CFAP47: variants seen among roughly 807,000 people sequenced by gnomAD.
CFAP47 encodes cilia and flagella associated protein 47.
Under a neutral mutation model 148.1 loss-of-function variants are expected in CFAP47, and 29 were observed. The observed-to-expected ratio is 0.20, with a 90% CI of 0.15 to 0.27. The LOEUF is 0.27. CFAP47 is among the 10% of genes least tolerant of loss of function. The probability of loss-of-function intolerance (pLI) is 1.00; values close to 1 mark genes in which losing one functional copy is unlikely to be tolerated. For synonymous variants in CFAP47, 664 were observed against 577.3 expected, an observed-to-expected ratio of 1.15 and a Z score of -2.15; for missense variants, 1,872 against 1,697.5, an observed-to-expected ratio of 1.10 and a Z score of -1.81.
intron 31 of CFAP47, 87 bp from the exon 32 acceptor site, chrX:36,099,664 A>G: frequency 2.3e-6 from 1 of 444,120 alleles, no homozygotes; most frequent in South Asian, 4.0e-5. Flanking sequence ...AGTATAGAAA[A>G]GGCATCCACA....
chrX:36,208,208 T>C (rs188406385), intron 45 of CFAP47, among the ~76,000 whole-genome samples: 1 of 112,190 alleles, frequency 8.9e-6, no homozygotes, highest in Non-Finnish European at 1.9e-5. Context: ...TATTCACTAA[T>C]AATTAGCAGT....
intron 45 of CFAP47, among the ~76,000 whole-genome samples, chrX:36,226,966 T>C (rs1243708170): frequency 1.8e-5 from 2 of 111,643 alleles, no homozygotes; most frequent in African/African-American, 3.2e-5. Flanking sequence ...AATAGAATTC[T>C]ATTTAAATTA....
At chrX:35,952,145 T>C (rs1256782669) in intron 6 of CFAP47, among the ~76,000 whole-genome samples, 182 bp downstream of exon 6, 2 of 112,100 alleles carry the variant, frequency 1.8e-5, no homozygotes, top group Non-Finnish European at 3.8e-5. Flanking sequence ...TAATTCTAAA[T>C]ATGGTTCTAA....
intron 29 of CFAP47, among the ~76,000 whole-genome samples, chrX:36,080,273 A>AG (rs761572887): frequency 8.9e-6 from 1 of 111,766 alleles, no homozygotes; most frequent in South Asian, 3.8e-4. Context: ...TTAAAAAGTC[A>AG]GGAAACGAGG....
intron 62 of CFAP47, among the ~76,000 whole-genome samples, chrX:36,373,332 G>C (rs1294813240): frequency 4.5e-5 from 5 of 110,959 alleles, no homozygotes; most frequent in African/African-American, 1.6e-4. Context: ...CTTCTTGGGA[G>C]AGTTTGTTGT....
chrX:36,020,518 G>C (rs1351730006), intron 22 of CFAP47, among the ~76,000 whole-genome samples: 1 of 111,937 alleles, frequency 8.9e-6, no homozygotes, highest in Non-Finnish European at 1.9e-5. Context: ...GAGTGCTCCA[G>C]TGTTGGGTTC....
chrX:36,104,601 A>T lies in CFAP47; in HGVS notation c.5230A>T (p.Ile1744Leu), dbSNP rs758335476. The change falls in exon 33 of 64, where the codon ATA (isoleucine) becomes TTA (leucine). Residue 1744 changes from isoleucine (I) to leucine (L), a missense_variant. Transcript: ENST00000378653. ...CAATCCTTGTTTTGCATCCAGCAAC[A>T]TATATTCTGATTCTGAAAGAATTTT... is the stretch of plus-strand genomic sequence containing the variant. ...KVNPCFASSN[I>L]YSDSERILLS... The T allele has an allele frequency of 1.1e-6, 1 of 919,196 alleles. No individual in the cohort carries two copies. Among genetic ancestry groups the T allele is most frequent in the African/African-American group, 1.9e-5 (1 of 52,390 alleles). 75.8% of individuals were successfully genotyped at this position (919,196 alleles called of 1,213,427 possible).
At chrX:35,936,855 C>T (rs1826215674) in intron 2 of CFAP47, among the ~76,000 whole-genome samples, 1 of 109,589 alleles carries the variant, frequency 9.1e-6, no homozygotes, top group Non-Finnish European at 1.9e-5. Flanking sequence ...GGCCTGGCTG[C>T]CACATGTCTC....
chrX:36,368,947 CAG>C (rs1427968434), intron 62 of CFAP47, among the ~76,000 whole-genome samples: 2 of 111,084 alleles, frequency 1.8e-5, no homozygotes, highest in African/African-American at 6.5e-5. Context: ...TTTTAAAACC[CAG>C]AGATTGAGAG....
In CFAP47 at chrX:35,951,208, G is replaced by C. The variant is rs750245381; in HGVS notation, c.734G>C (p.Ser245Thr). 2 of 1,208,906 alleles carry C rather than the reference G, an allele frequency of 1.7e-6. No homozygotes were observed. Among genetic ancestry groups the C allele is most frequent in the East Asian group, 5.9e-5 (2 of 33,725 alleles). ...HVVEQIIELL[S>T]MSSDRRLECI... is the part of the protein sequence containing the mutation. The stretch of plus-strand genomic sequence containing the variant: ...GTTGAGCAGATTATTGAATTATTAA[G>C]CATGAGTAGTGACAGAAGGCTGGAA... The change falls in exon 5 of 64, where the codon AGC (serine) becomes ACC (threonine). Residue 245 changes from serine (S) to threonine (T), a missense_variant. Coordinates refer to ENST00000378653, the MANE Select transcript of CFAP47 (RefSeq NM_001304548.2).
At chrX:36,071,729 C>A in intron 27 of CFAP47, 96 bp from the exon 28 acceptor site, 3 of 739,712 alleles carry the variant, frequency 4.1e-6, no homozygotes, top group South Asian at 2.7e-5. Flanking sequence ...TAGATATATA[C>A]ATCAATAGAT....
chrX:35,992,618 G>C (rs1277813051), intron 17 of CFAP47, among the ~76,000 whole-genome samples: 3 of 110,754 alleles, frequency 2.7e-5, no homozygotes, highest in Non-Finnish European at 5.7e-5. Context: ...AAAACCTCTT[G>C]GCCATTTTTC....
chrX:36,311,841 T>A (rs1288976754), intron 56 of CFAP47, among the ~76,000 whole-genome samples: 2 of 111,307 alleles, frequency 1.8e-5, no homozygotes, highest in Non-Finnish European at 3.8e-5. Flanking sequence ...GCAAATTTTT[T>A]ATATAATGTT....
At chrX:36,124,322 C>T (rs984509691) in intron 33 of CFAP47, among the ~76,000 whole-genome samples, 11 of 111,360 alleles carry the variant, frequency 9.9e-5, no homozygotes, top group South Asian at 3.8e-4. Context: ...GCTCTGAGTA[C>T]GGTTCAGCAC....
At position 36,380,657 on chromosome X, in the gene CFAP47, A is replaced by T. The variant is rs371940151; in HGVS notation, c.9354+1139A>T. The stretch of plus-strand genomic sequence containing the variant: ...ATGTGGTTTCACCATGTTAGCCAGG[A>T]TGGTCTCGATCTCCTGACCTCATGA... On this transcript the variant is annotated intron_variant, in intron 63 of 63. Coordinates refer to ENST00000378653, the MANE Select transcript of CFAP47 (RefSeq NM_001304548.2). 2.7e-5 allele frequency among the ~76,000 whole-genome samples: 3 copies of T among 111,563 alleles called. No homozygotes were observed. In the East Asian group the frequency reaches 8.5e-4, roughly 32 times the overall value.
chrX:36,045,402 A>G (rs780900162), intron 25 of CFAP47, among the ~76,000 whole-genome samples: 35 of 111,280 alleles, frequency 3.1e-4, no homozygotes, highest in Non-Finnish European at 6.2e-4. Context: ...GTTTTGCCCC[A>G]TAGCCACCAC....
intron 22 of CFAP47, among the ~76,000 whole-genome samples, chrX:36,029,003 C>G (rs1181789496): frequency 1.2e-4 from 13 of 110,830 alleles, no homozygotes; most frequent in Non-Finnish European, 2.3e-4. Context: ...TATGAATACA[C>G]TGGTCCTGGG....
rs187845125 is a variant in CFAP47, at chrX:36,033,706, A to G, written c.3652-1989A>G. On this transcript the variant is annotated intron_variant, in intron 23 of 63. Coordinates refer to ENST00000378653, the MANE Select transcript of CFAP47 (RefSeq NM_001304548.2). ...TCGTTGTTTATCCTATATGTTTTAA[A>G]TCAATCATGCTTTAGAAAGAAATGA... 1.4e-4 allele frequency among the ~76,000 whole-genome samples: 16 copies of G among 111,753 alleles called. No individual in the cohort carries two copies. The East Asian group carries it at 4.2e-3, about 30-fold the overall frequency.
intron 62 of CFAP47, among the ~76,000 whole-genome samples, chrX:36,372,040 GTA>G (rs369542665): frequency 0.015 from 1,533 of 102,023 alleles, 27 homozygotes; most frequent in African/African-American, 0.045. Context: ...ATGTGTGTGT[GTA>G]TATATATATA....
Sources: allele counts gnomAD v4.1 joint callset (sites outside exome capture counted in the v4.1 genomes callset), GRCh38; gene constraint gnomAD v4.1.1; transcripts MANE v1.5; gene names NCBI Gene and HGNC (gene_info 2026-07-23, HGNC 2026-07-21).